Variants in POU6F2 observed in about 807,000 individuals in gnomAD.
The protein encoded by POU6F2 is POU domain, class 6, transcription factor 2.
Under a neutral mutation model 71.3 loss-of-function variants are expected in POU6F2, and 31 were observed. The ratio of observed to expected loss-of-function variants is 0.43; its 90% CI spans 0.33 to 0.59. The LOEUF is 0.59. Ranked by LOEUF, POU6F2 falls within the 20% of genes least tolerant of loss-of-function variation. The probability of loss-of-function intolerance (pLI) is 0.04; values close to 1 mark genes in which losing one functional copy is unlikely to be tolerated. For missense variants in POU6F2, 783 were observed against 856.8 expected, an observed-to-expected ratio of 0.91 and a Z score of 1.07; for synonymous variants, 347 against 355.7, an observed-to-expected ratio of 0.98 and a Z score of 0.27.
chr7:39,361,328 G>C (rs1024312590), intron 5 of POU6F2, among the ~76,000 whole-genome samples: 1 of 152,186 alleles, frequency 6.6e-6, no homozygotes, highest in African/African-American at 2.4e-5. Flanking sequence ...CCACCACAAA[G>C]CATAATTAAA....
chr7:39,171,264 G>C (rs1029008040), intron 2 of POU6F2, among the ~76,000 whole-genome samples: 1 of 151,774 alleles, frequency 6.6e-6, no homozygotes, highest in African/African-American at 2.4e-5. Context: ...TATATCTTAT[G>C]TGTATTTTAT....
intron 2 of POU6F2, among the ~76,000 whole-genome samples, chr7:39,095,681 A>G (rs1051003764): frequency 2.0e-5 from 3 of 152,222 alleles, no homozygotes; most frequent in African/African-American, 7.2e-5. Flanking sequence ...GTGACAGAAA[A>G]CTAGCAGGAC....
intron 2 of POU6F2, among the ~76,000 whole-genome samples, chr7:39,089,869 A>G (rs1462638461): frequency 6.6e-6 from 1 of 151,948 alleles, no homozygotes; most frequent in African/African-American, 2.4e-5. Context: ...CTCCTGGGAA[A>G]ATGTTTATTG....
intron 2 of POU6F2, among the ~76,000 whole-genome samples, chr7:39,166,038 C>T (rs999025320): frequency 5.9e-5 from 9 of 152,216 alleles, no homozygotes; most frequent in African/African-American, 2.2e-4. Context: ...TTGCACCTCA[C>T]TACTCAGCAG....
chr7:39,366,613 G>A (rs982752184), intron 5 of POU6F2, among the ~76,000 whole-genome samples: 1 of 152,148 alleles, frequency 6.6e-6, no homozygotes, highest in Admixed American at 6.5e-5. Context: ...GAGACACTAG[G>A]AGCGGGTAGG....
chr7:39,391,452 G>A (rs1787073894), intron 5 of POU6F2, among the ~76,000 whole-genome samples: 1 of 151,924 alleles, frequency 6.6e-6, no homozygotes, highest in South Asian at 2.1e-4. Context: ...ATAATAAGAT[G>A]TGCTCTCATT....
chr7:39,214,293 A>C (rs2128747242), intron 4 of POU6F2, among the ~76,000 whole-genome samples: 1 of 152,070 alleles, frequency 6.6e-6, no homozygotes, highest in African/African-American at 2.4e-5. Context: ...TGCCTGAAGC[A>C]CTCTGTTCCC....
intron 5 of POU6F2, among the ~76,000 whole-genome samples, chr7:39,396,717 G>A (rs984420117): frequency 1.3e-5 from 2 of 152,060 alleles, no homozygotes; most frequent in Admixed American, 1.3e-4. Flanking sequence ...CCAGCGCCTG[G>A]CCTCAAAGCA....
chr7:39,030,944 G>A (rs184671309), intron 1 of POU6F2, among the ~76,000 whole-genome samples: 9 of 151,960 alleles, frequency 5.9e-5, no homozygotes, highest in Middle Eastern at 3.4e-3. Flanking sequence ...CTCTGTCACC[G>A]GGCTGGAGGG....
At chr7:39,306,631 A>C (rs867805303) in intron 4 of POU6F2, among the ~76,000 whole-genome samples, 1 of 152,202 alleles carries the variant, frequency 6.6e-6, no homozygotes, top group Non-Finnish European at 1.5e-5. Context: ...TTTTAGGTCT[A>C]GTCTCACTTT....
intron 5 of POU6F2, among the ~76,000 whole-genome samples, chr7:39,348,373 A>G (rs1264849091): frequency 6.6e-6 from 1 of 152,226 alleles, no homozygotes; most frequent in Non-Finnish European, 1.5e-5. Context: ...TTATATACTT[A>G]TTTCATGCAT....
intron 4 of POU6F2, among the ~76,000 whole-genome samples, chr7:39,223,632 C>A (rs181271595): frequency 6.6e-6 from 1 of 152,264 alleles, no homozygotes; most frequent in East Asian, 1.9e-4. Context: ...TTTTCCCCAA[C>A]CTTGAAATCT....
intron 4 of POU6F2, among the ~76,000 whole-genome samples, chr7:39,329,784 T>C (rs1256611924): frequency 6.6e-6 from 1 of 152,176 alleles, no homozygotes; most frequent in Non-Finnish European, 1.5e-5. Flanking sequence ...AGCCCTTCTT[T>C]AAATCATTTG....
Position 39,464,795 on chromosome 7 carries a change from C to T in POU6F2, c.*109C>T. The T allele has an allele frequency of 9.5e-6, 12 of 1,257,008 alleles. No individual in the cohort carries two copies. Among genetic ancestry groups the T allele is most frequent in the African/African-American group, 1.5e-5 (1 of 66,270 alleles). The allele number at this position is 1,257,008 out of a possible 1,614,324, so 77.9% of individuals were successfully genotyped here. On this transcript the variant is annotated 3_prime_UTR_variant, in exon 10 of 10. Transcript: ENST00000518318. The surrounding 1 kb of genome is among the most constrained non-coding windows in gnomAD (Gnocchi z 4.1). ...ATTTAATTTAATTTAAAAATAGCCC[C>T]AGTCGTCATCACCCTTGTAAGTAAA...
chr7:39,219,651 G>A (rs910801055), intron 4 of POU6F2, among the ~76,000 whole-genome samples: 1 of 152,050 alleles, frequency 6.6e-6, no homozygotes, highest in Admixed American at 6.5e-5. Flanking sequence ...TTGGCTCCAC[G>A]TTAACCTTTT....
chr7:39,251,364 T>A (rs1258526412), intron 4 of POU6F2, among the ~76,000 whole-genome samples: 2 of 152,198 alleles, frequency 1.3e-5, no homozygotes, highest in African/African-American at 2.4e-5. Context: ...GTGAGCAGTG[T>A]TCTCTGAAAT....
intron 2 of POU6F2, among the ~76,000 whole-genome samples, chr7:39,155,627 G>A (rs903994863): frequency 6.6e-6 from 1 of 152,160 alleles, no homozygotes; most frequent in Non-Finnish European, 1.5e-5. Flanking sequence ...CCAGGTTCAT[G>A]TGTATTGAAA....
intron 1 of POU6F2, among the ~76,000 whole-genome samples, chr7:39,032,437 A>G (rs1385788604): frequency 1.3e-5 from 2 of 152,226 alleles, no homozygotes; most frequent in Non-Finnish European, 2.9e-5. Flanking sequence ...TATAATTCCT[A>G]TATATGTAGA....
intron 4 of POU6F2, among the ~76,000 whole-genome samples, chr7:39,250,995 G>A (rs557860611): frequency 2.0e-5 from 3 of 152,304 alleles, no homozygotes; most frequent in African/African-American, 7.2e-5. Context: ...CTAACCTGGA[G>A]GGAGAAAGAT....
Sources: allele counts gnomAD v4.1 joint callset (sites outside exome capture counted in the v4.1 genomes callset), GRCh38; gene constraint gnomAD v4.1.1; non-coding constraint Gnocchi (gnomAD v3.1); transcripts MANE v1.5; gene names NCBI Gene and HGNC (gene_info 2026-07-23, HGNC 2026-07-21).